The following PGAP1 variants were observed in gnomAD, a reference collection of about 807,000 sequenced individuals.
PGAP1 encodes the protein post-GPI attachment to proteins inositol deacylase 1.
PGAP1 carries 76 observed loss-of-function variants against 127.0 expected under a neutral mutation model. The observed-to-expected ratio is 0.60, with a 90% CI of 0.50 to 0.72. The LOEUF (loss-of-function observed/expected upper bound fraction) is 0.72. Among genes scored for constraint, PGAP1 ranks in the 30% least tolerant of loss-of-function variants. The probability of loss-of-function intolerance (pLI) is 0.00; values close to 1 mark genes in which losing one functional copy is unlikely to be tolerated. For missense variants in PGAP1, 982 were observed against 1,071.3 expected, an observed-to-expected ratio of 0.92 and a Z score of 1.16; for synonymous variants, 362 against 366.5, an observed-to-expected ratio of 0.99 and a Z score of 0.14.
At chr2:196,919,468 C>T (rs542640939) in intron 2 of PGAP1, among the ~76,000 whole-genome samples, 2 of 152,282 alleles carry the variant, frequency 1.3e-5, no homozygotes, top group South Asian at 2.1e-4. Flanking sequence ...TTGGCTGTTA[C>T]GCCAGAAATA....
At chr2:196,868,041 G>A (rs554031711) in intron 19 of PGAP1, among the ~76,000 whole-genome samples, 13 of 152,302 alleles carry the variant, frequency 8.5e-5, no homozygotes, top group Admixed American at 2.0e-4. Context: ...CAGACTCCTG[G>A]ATTTAGATTC....
chr2:196,882,696 T>C (rs1345265792), intron 12 of PGAP1, among the ~76,000 whole-genome samples: 2 of 152,240 alleles, frequency 1.3e-5, no homozygotes, highest in Admixed American at 6.5e-5. Flanking sequence ...TTTTGCACAT[T>C]GATTTTGTAT....
intron 1 of PGAP1, 81 bp from the exon 2 acceptor site, chr2:196,920,231 G>A (rs1449305810): frequency 1.3e-5 from 16 of 1,261,274 alleles, no homozygotes; most frequent in East Asian, 4.8e-5. Flanking sequence ...TCTGAATTAC[G>A]CAAATTTGAA....
In PGAP1 at chr2:196,848,040, G is replaced by T; in HGVS notation, c.1862-3C>A. The T allele has an allele frequency of 1.3e-6, 2 of 1,586,228 alleles. No individual in the cohort carries two copies. The highest frequency in any genetic ancestry group is 1.7e-6 in the Non-Finnish European group (2 of 1,169,010). ...GGTAGCATATTCTAAGCAACAACCT[G>T]GTGATTTAAAAAAAGTTACATGCAA... On this transcript the variant is annotated splice_polypyrimidine_tract_variant and splice_region_variant and intron_variant, in intron 20 of 26. Coordinates refer to ENST00000354764, the MANE Select transcript of PGAP1 (RefSeq NM_024989.4).
chr2:196,884,351 T>C (rs996374828), intron 12 of PGAP1, among the ~76,000 whole-genome samples: 1 of 152,194 alleles, frequency 6.6e-6, no homozygotes, highest in Non-Finnish European at 1.5e-5. Flanking sequence ...CTGGTTAGGA[T>C]AGTACCAGTG....
intron 5 of PGAP1, among the ~76,000 whole-genome samples, 189 bp downstream of exon 5, chr2:196,902,396 T>TATTCATTCATTCATTCATTCATTC (rs112012835): frequency 6.6e-6 from 1 of 151,362 alleles, no homozygotes; most frequent in African/African-American, 2.4e-5. Context: ...AACACATTCA[T>TATTCATTCATTCATTCATTCATTC]ATTCATTCAT....
chr2:196,845,790 T>A, intron 23 of PGAP1, 92 bp downstream of exon 23: 9 of 1,079,832 alleles, frequency 8.3e-6, no homozygotes, highest in Non-Finnish European at 1.1e-5. Flanking sequence ...ACAGTGTTTA[T>A]GAGAATTTTT....
intron 20 of PGAP1, among the ~76,000 whole-genome samples, chr2:196,860,201 G>A (rs1379511127): frequency 2.0e-5 from 3 of 151,916 alleles, no homozygotes; most frequent in African/African-American, 7.3e-5. Context: ...ATAAAAATCA[G>A]TAACTTTCTA....
At chr2:196,925,908 C>T (rs1157536330) in intron 1 of PGAP1, among the ~76,000 whole-genome samples, 1 of 152,044 alleles carries the variant, frequency 6.6e-6, no homozygotes, top group Non-Finnish European at 1.5e-5. Context: ...AGGCAAAACC[C>T]TGGAGTCTCT....
chr2:196,895,242 T>C (rs1161396728), intron 7 of PGAP1, among the ~76,000 whole-genome samples: 3 of 152,230 alleles, frequency 2.0e-5, no homozygotes, highest in Admixed American at 6.5e-5. Flanking sequence ...GTACTATAGT[T>C]CTTTTCTCAT....
At chr2:196,922,573 CACAG>C (rs1198848055) in intron 1 of PGAP1, 13 of 845,172 alleles carry the variant, frequency 1.5e-5, no homozygotes, top group East Asian at 2.7e-4. Context: ...CACACACACA[CACAG>C]ACACACACAC....
intron 3 of PGAP1, among the ~76,000 whole-genome samples, chr2:196,914,282 T>A (rs1276447233): frequency 6.6e-6 from 1 of 152,208 alleles, no homozygotes; most frequent in African/African-American, 2.4e-5. Context: ...AATTCTCACT[T>A]TCCCCTTAGT....
At chr2:196,847,335 A>G in intron 21 of PGAP1, 135 bp from the exon 22 acceptor site, 1 of 631,462 alleles carries the variant, frequency 1.6e-6, no homozygotes, top group Non-Finnish European at 2.7e-6. Context: ...CTGAAAAACA[A>G]ATTTTTAATT....
In PGAP1 at chr2:196,885,566, T is replaced by G. The variant is rs185636576; in HGVS notation, c.1221-91A>C. 389 of 942,686 alleles carry G rather than the reference T, an allele frequency of 4.1e-4. 1 individual carries two copies. In the African/African-American group the frequency reaches 5.1e-3, roughly 12 times the overall value. The allele number at this position is 942,686 out of a possible 1,614,324, so 58.4% of individuals were successfully genotyped here. On this transcript the variant is annotated intron_variant, in intron 11 of 26. Transcript: ENST00000354764. ...AGATTCAGAGGAAAAAGAAACCATC[T>G]CTACACCTAGTAGAGATGTCTATTG...
chr2:196,887,670 A>G (rs988906377), intron 10 of PGAP1, among the ~76,000 whole-genome samples: 4 of 152,220 alleles, frequency 2.6e-5, no homozygotes, highest in Admixed American at 2.6e-4. Context: ...CCTCAGGGAA[A>G]ATGATGAATC....
At chr2:196,842,640 A>G in intron 26 of PGAP1, 81 bp downstream of exon 26, 1 of 559,506 alleles carries the variant, frequency 1.8e-6, no homozygotes, top group South Asian at 4.0e-5. Flanking sequence ...AATTAATTAG[A>G]AATAAAGAGT....
At chr2:196,868,827 A>T (rs1701322607) in intron 19 of PGAP1, among the ~76,000 whole-genome samples, 1 of 152,166 alleles carries the variant, frequency 6.6e-6, no homozygotes, top group African/African-American at 2.4e-5. Context: ...AATCAGCAAC[A>T]TTCAAAATAT....
At chr2:196,861,077 T>A (rs1042598473) in intron 20 of PGAP1, among the ~76,000 whole-genome samples, 1 of 152,114 alleles carries the variant, frequency 6.6e-6, no homozygotes, top group African/African-American at 2.4e-5. Context: ...AAAACATACA[T>A]TGGAGAAAGG....
At position 196,841,582 on chromosome 2, in the gene PGAP1, A is replaced by G. The variant is rs182432774; in HGVS notation, c.2631-210T>C. ...GCCCAGGCTGGAGTGCAGTGGCGCA[A>G]TCTCGGCTCACTGCAAGCTCCGCCT... is the stretch of plus-strand genomic sequence containing the variant. On this transcript the variant is annotated intron_variant, in intron 26 of 26. Coordinates refer to ENST00000354764, the MANE Select transcript of PGAP1 (RefSeq NM_024989.4). Among the ~76,000 whole-genome samples, 163 of 152,302 alleles carry G rather than the reference A, an allele frequency of 1.1e-3. No homozygotes were observed. In the East Asian group the frequency reaches 0.019, roughly 18 times the overall value.
Sources: gnomAD v4.1 joint callset for allele counts (sites outside exome capture counted in the v4.1 genomes callset) on GRCh38, gnomAD v4.1.1 for gene constraint, MANE v1.5 for transcripts, NCBI Gene and HGNC (gene_info 2026-07-23, HGNC 2026-07-21) for gene names.